HSF2BP: variants seen among roughly 807,000 people sequenced by gnomAD.
The protein encoded by HSF2BP is heat shock transcription factor 2 binding protein, also known as heat shock factor 2-binding protein.
In HSF2BP, 35 loss-of-function variants were observed where a neutral mutation model predicts 35.0. That is an observed-to-expected ratio of 1.00 (90% CI 0.76 to 1.32). The LOEUF (loss-of-function observed/expected upper bound fraction) is 1.32. Ranked by LOEUF, HSF2BP falls within the 40% of genes most tolerant of loss-of-function variation. HSF2BP has a pLI of 0.00. For synonymous variants in HSF2BP, 114 were observed against 117.4 expected (o/e 0.97, Z 0.18); for missense variants, 326 against 321.7 (o/e 1.01, Z -0.10).
In HSF2BP at chr21:43,644,281, C is replaced by T. The variant is rs1207466603; in HGVS notation, c.291+8G>A. 1 of 1,609,276 alleles carries T rather than the reference C, an allele frequency of 6.2e-7. No homozygotes were observed. The highest frequency in any genetic ancestry group is 1.1e-5 in the South Asian group (1 of 90,986). ...GGCTTGGTGAGAGTCTGTCCCTGAG[C>T]ATGGTACCTTCTTCTCTCTTATGTT... On this transcript the variant is annotated splice_region_variant and intron_variant, in intron 4 of 8. Transcript: ENST00000291560.
At chr21:43,629,856 C>T (rs1202838289) in intron 6 of HSF2BP, among the ~76,000 whole-genome samples, 3 of 152,100 alleles carry the variant, frequency 2.0e-5, no homozygotes, top group African/African-American at 4.8e-5. Context: ...GGGCTGACTC[C>T]AATTTTGAAA....
At chr21:43,619,941 G>T (rs1227583616) in intron 6 of HSF2BP, among the ~76,000 whole-genome samples, 1 of 152,180 alleles carries the variant, frequency 6.6e-6, no homozygotes, top group Non-Finnish European at 1.5e-5. Context: ...ACACTGCCGG[G>T]TTATCCTCTT....
In HSF2BP at chr21:43,599,235, A is replaced by G. The variant is rs538575225; in HGVS notation, c.693-6907T>C. ...AATCAGTTATCCTTAAGAAGCTAAA[A>G]TGAAACACATACTTACAACAACCAT... On this transcript the variant is annotated intron_variant, in intron 7 of 8. Coordinates refer to ENST00000291560, the MANE Select transcript of HSF2BP (RefSeq NM_007031.2). Among the ~76,000 whole-genome samples, 28 of 152,348 alleles carry G rather than the reference A, an allele frequency of 1.8e-4. No individual in the cohort carries two copies. The South Asian group carries it at 3.3e-3, about 18-fold the overall frequency.
At chr21:43,458,054 C>A in the HSF2BP span, among the ~76,000 whole-genome samples, 1 of 87,738 alleles carries the variant, frequency 1.1e-5, no homozygotes, top group Non-Finnish European at 2.3e-5. Flanking sequence ...GTGAAGTTTC[C>A]CCAGCAAGTG....
intron 3 of HSF2BP, among the ~76,000 whole-genome samples, chr21:43,646,353 T>C (rs1013502201): frequency 2.0e-5 from 3 of 152,210 alleles, no homozygotes; most frequent in Admixed American, 6.5e-5. Context: ...ACTTGCATTA[T>C]TTGTAACAAA....
At chr21:43,588,822 T>C (rs1225815773) in intron 8 of HSF2BP, among the ~76,000 whole-genome samples, 2 of 152,328 alleles carry the variant, frequency 1.3e-5, no homozygotes, top group East Asian at 3.9e-4. Context: ...TCTGATTCTA[T>C]GATTCTTGAG....
chr21:43,604,735 ACACACACCACT>A (rs2082106350), intron 7 of HSF2BP, among the ~76,000 whole-genome samples: 3 of 141,928 alleles, frequency 2.1e-5, no homozygotes, highest in African/African-American at 8.0e-5. Context: ...CATACACCAC[ACACACACCACT>A]CACACACCAT....
At chr21:43,657,584 A>C (rs2147141846) in intron 2 of HSF2BP, among the ~76,000 whole-genome samples, 1 of 152,338 alleles carries the variant, frequency 6.6e-6, no homozygotes, top group East Asian at 1.9e-4. Context: ...ATGCAGCACA[A>C]TTAATAACGG....
chr21:43,657,542 G>C (rs2082889329), intron 2 of HSF2BP, among the ~76,000 whole-genome samples: 1 of 152,196 alleles, frequency 6.6e-6, no homozygotes, highest in Admixed American at 6.5e-5. Context: ...TGTCTAGATG[G>C]AAATTAAGGC....
the HSF2BP span, among the ~76,000 whole-genome samples, chr21:43,507,328 G>A: frequency 1.9e-4 from 18 of 95,648 alleles, 6 homozygotes; most frequent in Middle Eastern, 9.4e-3. Context: ...TTCCCTAGCT[G>A]TGCAGCTGCA....
chr21:43,605,061 C>A (rs2146870444), intron 7 of HSF2BP, among the ~76,000 whole-genome samples: 1 of 145,950 alleles, frequency 6.9e-6, no homozygotes, highest in African/African-American at 2.5e-5. Flanking sequence ...CACCAGACAC[C>A]ACACACATCA....
intron 4 of HSF2BP, among the ~76,000 whole-genome samples, chr21:43,635,928 C>CA (rs33999944): frequency 0.036 from 2,536 of 70,996 alleles, 187 homozygotes; most frequent in African/African-American, 0.13. Flanking sequence ...GACTCCATCT[C>CA]AAAAAAAAAA....
intron 8 of HSF2BP, among the ~76,000 whole-genome samples, chr21:43,582,063 T>G (rs1186492984): frequency 2.1e-5 from 2 of 93,836 alleles, no homozygotes; most frequent in African/African-American, 1.0e-4. Context: ...GATGAGGGCC[T>G]GCTGTGGGAG....
chr21:43,616,612 C>T (rs1486443653), intron 6 of HSF2BP, among the ~76,000 whole-genome samples: 2 of 152,008 alleles, frequency 1.3e-5, no homozygotes, highest in Admixed American at 1.3e-4. Flanking sequence ...TACTGCACTC[C>T]AGCCTAGGAG....
intron 3 of HSF2BP, among the ~76,000 whole-genome samples, chr21:43,653,224 AAGGGAAGGGGAAGGGAAGGGGAGGGG>A (rs1281921446): frequency 8.6e-4 from 100 of 116,408 alleles, no homozygotes; most frequent in African/African-American, 2.9e-3. Flanking sequence ...AGGGGAAGGG[AAGGGAAGGGGAAGGGAAGGGGAGGGG>A]AGGGGAGGGA....
rs535222718 is a variant in HSF2BP at position 43,611,600 on chromosome 21, G to C, written c.692+2230C>G. ...CAAAAGTAGCCCTGAGCCACACAGA[G>C]AGCACCAGGAGAAGGTCTCTAGTGA... On this transcript the variant is annotated intron_variant, in intron 7 of 8. Transcript: ENST00000291560. Among the ~76,000 whole-genome samples the C allele has an allele frequency of 7.2e-5, 11 of 152,340 alleles. No individual in the cohort carries two copies. In the Middle Eastern group the frequency reaches 0.014, roughly 188 times the overall value.
At chr21:43,647,668 A>G (rs1014722855) in intron 3 of HSF2BP, among the ~76,000 whole-genome samples, 1 of 152,164 alleles carries the variant, frequency 6.6e-6, no homozygotes, top group Non-Finnish European at 1.5e-5. Context: ...AAAACTGCAC[A>G]AACGGCGTCA....
intron 8 of HSF2BP, among the ~76,000 whole-genome samples, chr21:43,580,553 G>A (rs1419359911): frequency 1.3e-5 from 2 of 152,184 alleles, no homozygotes; most frequent in East Asian, 3.8e-4. Context: ...TGACACCTTT[G>A]TTCTATTGGA....
At chr21:43,602,561 A>C (rs1339754134) in intron 7 of HSF2BP, among the ~76,000 whole-genome samples, 1 of 152,206 alleles carries the variant, frequency 6.6e-6, no homozygotes, top group Non-Finnish European at 1.5e-5. Context: ...GATGCTGGGC[A>C]GGATAAACCA....
Sources: gnomAD v4.1 joint callset for allele counts (sites outside exome capture counted in the v4.1 genomes callset) on GRCh38, gnomAD v4.1.1 for gene constraint, MANE v1.5 for transcripts, NCBI Gene and HGNC (gene_info 2026-07-23, HGNC 2026-07-21) for gene names.